The following ARHGAP22 variants were observed in gnomAD, a reference collection of about 807,000 sequenced individuals.
The protein encoded by ARHGAP22 is Rho GTPase activating protein 22.
Under a neutral mutation model 59.1 loss-of-function variants are expected in ARHGAP22, and 48 were observed. The observed-to-expected ratio is 0.81, with a 90% CI of 0.64 to 1.03. The LOEUF is 1.03. ARHGAP22 is among the 50% of genes least tolerant of loss of function. The probability of loss-of-function intolerance (pLI) is 0.00; values close to 1 mark genes in which losing one functional copy is unlikely to be tolerated. For missense variants in ARHGAP22, 1,015 were observed against 958.7 expected (o/e 1.06, Z -0.78); for synonymous variants, 445 against 416.4 (o/e 1.07, Z -0.84).
chr10:48,625,693 TACACACACACACACAC>T lies in ARHGAP22; in HGVS notation c.52+26525_52+26540del, dbSNP rs56897057. Among the ~76,000 whole-genome samples the T allele has an allele frequency of 5.5e-3, 765 of 138,964 alleles. 11 individuals carry two copies. Among genetic ancestry groups the T allele is most frequent in the African/African-American group, 0.019 (726 of 37,430 alleles). 91.2% of individuals were successfully genotyped at this position (138,964 alleles called of 152,430 possible). A position where few individuals can be genotyped will look rare whatever the true frequency, so the allele number is the denominator to read the frequency against. ...AAAGGAAGGGCCTCCCTGCAACGTG[TACACACACACACACAC>T]ACACACACACACACACACACACACA... On this transcript the variant is annotated intron_variant, in intron 1 of 9. Transcript: ENST00000435790.
intron 3 of ARHGAP22, among the ~76,000 whole-genome samples, chr10:48,481,816 G>A (rs187322571): frequency 5.3e-5 from 8 of 152,284 alleles, no homozygotes; most frequent in African/African-American, 1.9e-4. Flanking sequence ...TTAGCCATCC[G>A]AATAGGTGTG....
intron 3 of ARHGAP22, among the ~76,000 whole-genome samples, chr10:48,489,894 C>T (rs189701220): frequency 6.6e-5 from 10 of 152,156 alleles, no homozygotes; most frequent in East Asian, 1.9e-4. Flanking sequence ...CCATCACGCT[C>T]GGCTAATTTT....
intron 3 of ARHGAP22, among the ~76,000 whole-genome samples, chr10:48,486,118 T>C (rs1255385621): frequency 6.6e-6 from 1 of 152,058 alleles, no homozygotes; most frequent in Non-Finnish European, 1.5e-5. Context: ...CTCTTCATGC[T>C]GTAGGAATTG....
chr10:48,585,342 C>T lies in ARHGAP22; in HGVS notation c.35-2190G>A, dbSNP rs148346244. 7.4e-4 allele frequency among the ~76,000 whole-genome samples: 113 copies of T among 152,260 alleles called. 1 individual carries two copies. The highest frequency in any genetic ancestry group is 2.3e-3 in the African/African-American group (97 of 41,534). On this transcript the variant is annotated intron_variant, in intron 1 of 9. Transcript: ENST00000249601. Reference sequence around the variant, plus strand: ...TAAATGGTGTGGGCTCCCAGAGCTCCGGGCCTTCACGGCCTCCATACTAAC... The same window carrying T: ...TAAATGGTGTGGGCTCCCAGAGCTCTGGGCCTTCACGGCCTCCATACTAAC...
At chr10:48,542,720 C>T (rs931596651) in intron 3 of ARHGAP22, among the ~76,000 whole-genome samples, 1 of 152,210 alleles carries the variant, frequency 6.6e-6, no homozygotes, top group African/African-American at 2.4e-5. Context: ...GTGCCAGTGC[C>T]ACAGGGTGGG....
At chr10:48,470,699 A>T (rs552055756) in intron 4 of ARHGAP22, among the ~76,000 whole-genome samples, 1 of 152,184 alleles carries the variant, frequency 6.6e-6, no homozygotes, top group African/African-American at 2.4e-5. Context: ...TGGCTTAGTG[A>T]CCTGAGGCCT....
Position 48,450,384 on chromosome 10 carries a change from G to A in ARHGAP22, c.1745C>T (p.Pro582Leu). The change falls in exon 9 of 10, where the codon CCC (proline) becomes CTC (leucine). Residue 582 changes from proline (P) to leucine (L), a missense_variant. By Grantham distance (98) the Pro-to-Leu change is moderately conservative. Coordinates refer to ENST00000249601, the MANE Select transcript of ARHGAP22 (RefSeq NM_021226.4). Reference protein sequence around the residue: ...EAGAGASNSEPSEPDSPTREH... With the variant: ...EAGAGASNSELSEPDSPTREH... ...CCGGGTGGGGCTGTCCGGCTCGCTGGGCTCGCTGTTGCTGGCACCCGCGCC... is the reference window on the plus strand; with the variant it reads ...CCGGGTGGGGCTGTCCGGCTCGCTGAGCTCGCTGTTGCTGGCACCCGCGCC... The A allele has an allele frequency of 6.3e-7, 1 of 1,576,796 alleles. No homozygotes were observed. The highest frequency in any genetic ancestry group is 1.2e-5 in the South Asian group (1 of 86,602).
chr10:48,549,529 C>T (rs2056733049), intron 3 of ARHGAP22, among the ~76,000 whole-genome samples: 1 of 152,054 alleles, frequency 6.6e-6, no homozygotes, highest in African/African-American at 2.4e-5. Flanking sequence ...CTTTCCCGAC[C>T]CTGTCCACAT....
chr10:48,431,083 C>T, the ARHGAP22 span: 2 of 692,856 alleles, frequency 2.9e-6, no homozygotes, highest in Non-Finnish European at 5.2e-6. Context: ...ATTGTAAGGA[C>T]ACTGTTTGAA....
chr10:48,571,127 A>G (rs991540142), intron 2 of ARHGAP22, among the ~76,000 whole-genome samples: 1 of 152,124 alleles, frequency 6.6e-6, no homozygotes, highest in African/African-American at 2.4e-5. Flanking sequence ...TTTCTGGCCA[A>G]CTTGCTACCC....
intron 1 of ARHGAP22, among the ~76,000 whole-genome samples, chr10:48,625,569 T>C (rs2061420002): frequency 6.6e-6 from 1 of 152,154 alleles, no homozygotes; most frequent in South Asian, 2.1e-4. Context: ...TCCAGTGCCG[T>C]TATTTTGCAT....
intron 1 of ARHGAP22, among the ~76,000 whole-genome samples, chr10:48,636,709 C>T (rs2061834480): frequency 6.6e-6 from 1 of 152,158 alleles, no homozygotes; most frequent in Admixed American, 6.5e-5. Context: ...ATAGTCATCG[C>T]TAGTAGGACA....
At chr10:48,540,149 C>G (rs2055790389) in intron 3 of ARHGAP22, among the ~76,000 whole-genome samples, 1 of 152,190 alleles carries the variant, frequency 6.6e-6, no homozygotes, top group South Asian at 2.1e-4. Flanking sequence ...TCAGCCAATA[C>G]ATAATAACCA....
At chr10:48,559,076 C>T (rs1334574949) in intron 2 of ARHGAP22, among the ~76,000 whole-genome samples, 1 of 152,196 alleles carries the variant, frequency 6.6e-6, no homozygotes, top group African/African-American at 2.4e-5. Context: ...ACAGTGCCCT[C>T]AACTATGAGG....
At chr10:48,653,771 G>T (rs1454188282), upstream of ARHGAP22, among the ~76,000 whole-genome samples, 2 of 152,208 alleles carry the variant, frequency 1.3e-5, no homozygotes, top group East Asian at 1.9e-4. Flanking sequence ...TGTACAGGGG[G>T]CTTTGGAACT....
chr10:48,614,803 T>C (rs2061019524), intron 1 of ARHGAP22, among the ~76,000 whole-genome samples: 1 of 152,236 alleles, frequency 6.6e-6, no homozygotes, highest in South Asian at 2.1e-4. Context: ...GTATCATTAC[T>C]GTAGGAAGCA....
intron 8 of ARHGAP22, chr10:48,451,561 C>T (rs762512820): frequency 1.4e-6 from 1 of 702,418 alleles, no homozygotes. Context: ...TGAATGTCCA[C>T]ACTCTGGGAG....
chr10:48,544,816 G>T (rs1301339803), intron 3 of ARHGAP22, among the ~76,000 whole-genome samples: 1 of 152,128 alleles, frequency 6.6e-6, no homozygotes, highest in African/African-American at 2.4e-5. Context: ...ACCCTAATCT[G>T]ATCACTGTAC....
At chr10:48,605,463 G>A (rs2060636213), upstream of ARHGAP22, among the ~76,000 whole-genome samples, 1 of 151,840 alleles carries the variant, frequency 6.6e-6, no homozygotes, top group African/African-American at 2.4e-5. Flanking sequence ...ACTCCCAACA[G>A]GAAGATGCCT....
Sources: allele counts gnomAD v4.1 joint callset (sites outside exome capture counted in the v4.1 genomes callset), GRCh38; gene constraint gnomAD v4.1.1; transcripts MANE v1.5; gene names NCBI Gene and HGNC (gene_info 2026-07-23, HGNC 2026-07-21).